The following BCKDHB variants were observed in gnomAD, a reference collection of about 807,000 sequenced individuals.
BCKDHB encodes 2-oxoisovalerate dehydrogenase subunit beta, mitochondrial.
A neutral mutation model predicts 48.5 loss-of-function variants in BCKDHB; 41 were observed. That is an observed-to-expected ratio of 0.85 (90% CI 0.66 to 1.10). The LOEUF (loss-of-function observed/expected upper bound fraction) is 1.10, where lower values mean the gene tolerates loss of function less well. BCKDHB is among the 50% of genes least tolerant of loss of function. The pLI, the probability that BCKDHB is intolerant of heterozygous loss-of-function variation, is 0.00. For synonymous variants in BCKDHB, 201 were observed against 174.8 expected, an observed-to-expected ratio of 1.15 and a Z score of -1.18; for missense variants, 496 against 494.2, an observed-to-expected ratio of 1.00 and a Z score of -0.03.
intron 8 of BCKDHB, among the ~76,000 whole-genome samples, chr6:80,228,975 T>C (rs1450743891): frequency 2.6e-5 from 4 of 152,198 alleles, no homozygotes; most frequent in Non-Finnish European, 4.4e-5. Context: ...CAGTAGTCTA[T>C]AGCAAGGACT....
intron 8 of BCKDHB, among the ~76,000 whole-genome samples, chr6:80,215,399 T>C (rs946446530): frequency 4.6e-5 from 7 of 152,228 alleles, no homozygotes; most frequent in African/African-American, 4.8e-5. Flanking sequence ...TATTGGGATG[T>C]GGCTACTACA....
chr6:80,123,391 G>A (rs563905183), intron 1 of BCKDHB, among the ~76,000 whole-genome samples: 2 of 152,232 alleles, frequency 1.3e-5, no homozygotes, highest in South Asian at 2.1e-4. Context: ...AAATTTTCAC[G>A]ATTTATGTTC....
intron 9 of BCKDHB, among the ~76,000 whole-genome samples, chr6:80,311,994 T>C (rs1025707666): frequency 1.6e-4 from 24 of 152,238 alleles, no homozygotes; most frequent in African/African-American, 3.4e-4. Context: ...GGGAATAGCA[T>C]TGAATCTATA....
intron 1 of BCKDHB, 42 bp downstream of exon 1, chr6:80,106,931 A>G (rs1464737881): frequency 6.4e-7 from 1 of 1,570,906 alleles, no homozygotes; most frequent in Non-Finnish European, 8.6e-7. Context: ...TGCAGCCCGG[A>G]CTCCCAGGCT....
chr6:80,443,307 G>A, the BCKDHB span: 2 of 152,140 alleles, frequency 1.3e-5, no homozygotes, highest in Admixed American at 6.5e-5. Context: ...AAGATAAAGT[G>A]GAATTTGCTG....
At chr6:80,212,851 T>C (rs1775002091) in intron 8 of BCKDHB, among the ~76,000 whole-genome samples, 1 of 152,228 alleles carries the variant, frequency 6.6e-6, no homozygotes, top group Non-Finnish European at 1.5e-5. Flanking sequence ...TATGTGATAC[T>C]GAATCCTATC....
the BCKDHB span, among the ~76,000 whole-genome samples, chr6:80,455,814 C>T: frequency 6.6e-6 from 1 of 152,094 alleles, no homozygotes; most frequent in African/African-American, 2.4e-5. Context: ...GTCTTTCACA[C>T]CCCAAACAAA....
intron 9 of BCKDHB, among the ~76,000 whole-genome samples, chr6:80,317,225 G>A (rs181525244): frequency 4.6e-5 from 7 of 152,118 alleles, no homozygotes; most frequent in South Asian, 2.1e-4. Flanking sequence ...CCCAAATACC[G>A]TTCCAAAATA....
intron 1 of BCKDHB, among the ~76,000 whole-genome samples, chr6:80,118,854 G>A (rs754262601): frequency 2.7e-4 from 41 of 152,054 alleles, no homozygotes; most frequent in Non-Finnish European, 5.3e-4. Context: ...GGTTGCATAC[G>A]TAAAGAGCAA....
At chr6:80,118,814 C>T (rs775166813) in intron 1 of BCKDHB, among the ~76,000 whole-genome samples, 18 of 152,190 alleles carry the variant, frequency 1.2e-4, no homozygotes, top group Middle Eastern at 3.4e-3. Context: ...TAGATTCCAT[C>T]TCAAGGCTCC....
intron 3 of BCKDHB, among the ~76,000 whole-genome samples, chr6:80,151,690 A>G (rs952702357): frequency 6.6e-6 from 1 of 152,152 alleles, no homozygotes; most frequent in Non-Finnish European, 1.5e-5. Context: ...TCTCTTGTTT[A>G]CAAAGGGGAA....
chr6:80,463,660 A>G, the BCKDHB span, among the ~76,000 whole-genome samples: 1 of 152,138 alleles, frequency 6.6e-6, no homozygotes, highest in African/African-American at 2.4e-5. Flanking sequence ...GTTCCTATCC[A>G]TAACTAATAG....
chr6:80,433,013 T>G, the BCKDHB span, among the ~76,000 whole-genome samples: 2 of 152,174 alleles, frequency 1.3e-5, no homozygotes, highest in South Asian at 2.1e-4. Context: ...CAAAGATTGC[T>G]TCCTGTTCTT....
downstream of BCKDHB, among the ~76,000 whole-genome samples, chr6:80,347,487 A>G (rs1283927193): frequency 1.3e-5 from 2 of 152,178 alleles, no homozygotes; most frequent in African/African-American, 4.8e-5. Context: ...GTGGTCTGCC[A>G]CCTTGGCCTA....
the BCKDHB span, among the ~76,000 whole-genome samples, chr6:80,367,413 A>G: frequency 2.0e-5 from 3 of 152,312 alleles, no homozygotes; most frequent in Admixed American, 2.0e-4. Flanking sequence ...GCTCATACAT[A>G]TATATGTATT....
chr6:80,297,451 G>GCA (rs202038406), intron 9 of BCKDHB, among the ~76,000 whole-genome samples: 11 of 151,634 alleles, frequency 7.3e-5, no homozygotes, highest in East Asian at 5.8e-4. Context: ...TATAAACATC[G>GCA]CACACACACA....
At chr6:80,423,694 C>T in the BCKDHB span, among the ~76,000 whole-genome samples, 1 of 152,130 alleles carries the variant, frequency 6.6e-6, no homozygotes, top group Admixed American at 6.5e-5. Context: ...GAGTCTTTTT[C>T]TTTATCCTTT....
intron 7 of BCKDHB, 111 bp from the exon 8 acceptor site, chr6:80,202,991 T>C: frequency 2.5e-6 from 2 of 786,092 alleles, no homozygotes; most frequent in Non-Finnish European, 4.5e-6. Context: ...TCCATGCAGA[T>C]CAGTTCCTGA....
At chr6:80,382,121 G>A in the BCKDHB span, among the ~76,000 whole-genome samples, 1 of 152,096 alleles carries the variant, frequency 6.6e-6, no homozygotes, top group Non-Finnish European at 1.5e-5. Flanking sequence ...CATTCTTGAT[G>A]CATCCATCTT....
Sources: allele counts gnomAD v4.1 joint callset (sites outside exome capture counted in the v4.1 genomes callset), GRCh38; gene constraint gnomAD v4.1.1; transcripts MANE v1.5; gene names NCBI Gene and HGNC (gene_info 2026-07-23, HGNC 2026-07-21).